RARB: variants seen among roughly 807,000 people sequenced by gnomAD.
The protein encoded by RARB is HBV-activated protein.
RARB carries 17 observed loss-of-function variants against 51.9 expected under a neutral mutation model. The ratio of observed to expected loss-of-function variants is 0.33; its 90% CI spans 0.22 to 0.49. The LOEUF (loss-of-function observed/expected upper bound fraction) is 0.49. Ranked by LOEUF, RARB falls within the 20% of genes least tolerant of loss-of-function variation. The probability of loss-of-function intolerance (pLI) is 0.99; values close to 1 mark genes in which losing one functional copy is unlikely to be tolerated. For missense variants in RARB, 369 were observed against 550.8 expected, an observed-to-expected ratio of 0.67 and a Z score of 3.30; for synonymous variants, 215 against 195.4, an observed-to-expected ratio of 1.10 and a Z score of -0.84.
intron 5 of RARB, among the ~76,000 whole-genome samples, chr3:25,218,828 G>C (rs540139701): frequency 1.3e-5 from 2 of 151,870 alleles, no homozygotes; most frequent in East Asian, 3.9e-4. Flanking sequence ...CAGAGCTGTA[G>C]AGCCAGGACT....
At chr3:25,380,530 C>T (rs1433337131) in intron 5 of RARB, among the ~76,000 whole-genome samples, 1 of 152,158 alleles carries the variant, frequency 6.6e-6, no homozygotes, top group African/African-American at 2.4e-5. Context: ...ATTATTTCCC[C>T]CTCTTTCCTC....
intron 5 of RARB, among the ~76,000 whole-genome samples, chr3:25,364,105 A>G (rs1320218771): frequency 6.6e-6 from 1 of 152,066 alleles, no homozygotes; most frequent in Non-Finnish European, 1.5e-5. Context: ...ATCTTTTAGC[A>G]TACTATATAA....
At position 25,193,369 on chromosome 3, in the gene RARB, A is replaced by G. The variant is rs917948235; in HGVS notation, c.178+18794A>G. The stretch of plus-strand genomic sequence containing the variant: ...GAGGAAGTCTGTTAAAAAAATTAAA[A>G]TAAAAAAAACCTGTTTGCACTGAAG... On this transcript the variant is annotated intron_variant, in intron 5 of 11. Transcript: ENST00000383772. 1.1e-4 allele frequency among the ~76,000 whole-genome samples: 17 copies of G among 152,010 alleles called. 1 individual carries two copies. The highest frequency in any genetic ancestry group is 6.6e-4 in the Admixed American group (10 of 15,220).
At chr3:25,255,643 A>G (rs200058514) in intron 5 of RARB, among the ~76,000 whole-genome samples, 6,218 of 152,206 alleles carry the variant, frequency 0.041, 141 homozygotes, top group East Asian at 0.078. Flanking sequence ...TAGGTGAAAA[A>G]CAAACTGTAA....
chr3:24,975,373 A>G (rs978470679), intron 2 of RARB, among the ~76,000 whole-genome samples: 3 of 152,094 alleles, frequency 2.0e-5, no homozygotes, highest in Non-Finnish European at 4.4e-5. Context: ...CACTCCAGGC[A>G]CTGTTTTTGG....
At chr3:25,282,633 G>A (rs551955258) in intron 5 of RARB, among the ~76,000 whole-genome samples, 1 of 152,282 alleles carries the variant, frequency 6.6e-6, no homozygotes, top group Non-Finnish European at 1.5e-5. Context: ...TATTTGCTGA[G>A]TGGATCACGC....
chr3:25,215,278 A>G (rs13072311), intron 5 of RARB, among the ~76,000 whole-genome samples: 15,115 of 152,284 alleles, frequency 0.099, 992 homozygotes, highest in South Asian at 0.26. Context: ...GTAGACAGAA[A>G]AATTAAACCT....
intron 2 of RARB, among the ~76,000 whole-genome samples, chr3:24,927,873 A>G (rs1341573587): frequency 6.6e-6 from 1 of 152,076 alleles, no homozygotes; most frequent in Non-Finnish European, 1.5e-5. Context: ...GCAGAGAATA[A>G]GAAAATTTAC....
rs199633819 is a variant in RARB, at chr3:25,380,600, TAAAC to T, written c.179-80590_179-80587del. 2.5e-4 allele frequency among the ~76,000 whole-genome samples: 29 copies of T among 114,020 alleles called. No homozygotes were observed. In the East Asian group the frequency reaches 7.2e-3, roughly 28 times the overall value. The allele number at this position is 114,020 out of a possible 152,430, so 74.8% of individuals were successfully genotyped here. A position where few individuals can be genotyped will look rare whatever the true frequency, so the allele number is the denominator to read the frequency against. On this transcript the variant is annotated intron_variant, in intron 5 of 11. Coordinates refer to the RARB transcript ENST00000383772. ...AACTTTTCTTGCTCAAGAAAAAAAATAAACAAGCAACCAGGATTTGAGTGGCCAG... is the reference window on the plus strand; with the variant it reads ...AACTTTTCTTGCTCAAGAAAAAAAATAAGCAACCAGGATTTGAGTGGCCAG...
chr3:25,420,484 T>G (rs1206999058), intron 5 of RARB, among the ~76,000 whole-genome samples: 4 of 152,234 alleles, frequency 2.6e-5, no homozygotes, highest in Non-Finnish European at 5.9e-5. Context: ...ACAACCTGAT[T>G]TATCAAACCT....
chr3:25,122,992 T>C (rs1699808428), intron 3 of RARB, among the ~76,000 whole-genome samples: 1 of 152,088 alleles, frequency 6.6e-6, no homozygotes, highest in Non-Finnish European at 1.5e-5. Context: ...ATGTACACAG[T>C]GGTGACTCAG....
intron 4 of RARB, among the ~76,000 whole-genome samples, chr3:25,140,427 T>A (rs1377840275): frequency 6.6e-6 from 1 of 152,012 alleles, no homozygotes; most frequent in Non-Finnish European, 1.5e-5. Flanking sequence ...GAAGATGTGG[T>A]GAAAATAGCA....
chr3:25,443,600 G>C (rs1708798687), intron 1 of RARB, among the ~76,000 whole-genome samples: 2 of 146,796 alleles, frequency 1.4e-5, no homozygotes, highest in Non-Finnish European at 3.0e-5. Context: ...GCGACAGACA[G>C]ACAGTCCATC....
chr3:24,836,436 G>A (rs1702346715), intron 1 of RARB, among the ~76,000 whole-genome samples: 1 of 152,176 alleles, frequency 6.6e-6, no homozygotes, highest in Non-Finnish European at 1.5e-5. Flanking sequence ...AAACATGAGA[G>A]TATTCCAACA....
At chr3:25,062,696 A>T (rs1318008405) in intron 3 of RARB, among the ~76,000 whole-genome samples, 1 of 152,000 alleles carries the variant, frequency 6.6e-6, no homozygotes, top group Non-Finnish European at 1.5e-5. Context: ...CATATACAAG[A>T]AATGTCCGGA....
At chr3:25,132,241 C>T (rs1386004969) in intron 4 of RARB, among the ~76,000 whole-genome samples, 2 of 151,758 alleles carry the variant, frequency 1.3e-5, no homozygotes, top group African/African-American at 4.8e-5. Context: ...TGCTCATAAT[C>T]ATGGGAAAAG....
rs113809121 is a variant in RARB, at chr3:25,316,232, A to C, written c.178+141657A>C. 4.2e-3 allele frequency among the ~76,000 whole-genome samples: 643 copies of C among 152,228 alleles called. 1 individual carries two copies. Among genetic ancestry groups the C allele is most frequent in the African/African-American group, 0.014 (599 of 41,514 alleles). ...TACATATTTATGTAATTTTTATTCC[A>C]TCTATCTAGAGGTAGGGAGTGTAAT... On this transcript the variant is annotated intron_variant, in intron 5 of 11. Transcript: ENST00000383772.
intron 1 of RARB, among the ~76,000 whole-genome samples, chr3:25,457,079 A>C (rs566240314): frequency 6.6e-6 from 1 of 151,984 alleles, no homozygotes; most frequent in Non-Finnish European, 1.5e-5. Context: ...TTTAAATCTT[A>C]CAGTCAGCCA....
At chr3:24,832,567 T>C (rs2125326394) in intron 1 of RARB, among the ~76,000 whole-genome samples, 2 of 146,628 alleles carry the variant, frequency 1.4e-5, no homozygotes, top group South Asian at 2.2e-4. Context: ...TATTGTACTA[T>C]GTATTGGGGA....
Sources: allele counts gnomAD v4.1 joint callset (sites outside exome capture counted in the v4.1 genomes callset), GRCh38; gene constraint gnomAD v4.1.1; transcripts MANE v1.5; gene names NCBI Gene and HGNC (gene_info 2026-07-23, HGNC 2026-07-21).